The following ABCE1 variants were observed in gnomAD, a reference collection of about 807,000 sequenced individuals.
ABCE1 encodes the protein ATP-binding cassette sub-family E member 1.
A neutral mutation model predicts 83.4 loss-of-function variants in ABCE1; 22 were observed. The ratio of observed to expected loss-of-function variants is 0.26; its 90% CI spans 0.19 to 0.38. ABCE1 has a LOEUF of 0.38. Among genes scored for constraint, ABCE1 ranks in the 10% least tolerant of loss-of-function variants. ABCE1 has a pLI of 1.00. For missense variants in ABCE1, 330 were observed against 721.9 expected, an observed-to-expected ratio of 0.46 and a Z score of 6.22; for synonymous variants, 204 against 233.7, an observed-to-expected ratio of 0.87 and a Z score of 1.16.
chr4:145,109,958 T>G (rs979261832), intron 5 of ABCE1, 145 bp from the exon 6 acceptor site: 1 of 698,838 alleles, frequency 1.4e-6, no homozygotes, highest in African/African-American at 1.9e-5. Context: ...GAAATGAGAC[T>G]TTTATTAATT....
At chr4:145,110,790 G>T in intron 7 of ABCE1, 178 bp from the exon 8 acceptor site, 1 of 569,060 alleles carries the variant, frequency 1.8e-6, no homozygotes. Context: ...AATAGGCCCT[G>T]AACTTAAGTG....
chr4:145,116,630 CTA>C (rs1273963823), intron 9 of ABCE1, among the ~76,000 whole-genome samples: 5 of 151,850 alleles, frequency 3.3e-5, no homozygotes, highest in Non-Finnish European at 5.9e-5. Flanking sequence ...ACCTTCATGA[CTA>C]TTACTTGCGT....
intron 1 of ABCE1, among the ~76,000 whole-genome samples, chr4:145,099,287 G>A (rs757847139): frequency 6.6e-6 from 1 of 152,108 alleles, no homozygotes; most frequent in Non-Finnish European, 1.5e-5. Flanking sequence ...ATCTATAAGA[G>A]GAAGAACTGT....
chr4:145,120,304 T>G (rs1435872834), intron 11 of ABCE1, 151 bp downstream of exon 11: 10 of 662,738 alleles, frequency 1.5e-5, no homozygotes, highest in Non-Finnish European at 2.5e-5. Context: ...ACTTTCACAT[T>G]TTTTTGGCAT....
intron 11 of ABCE1, among the ~76,000 whole-genome samples, chr4:145,120,444 C>A (rs1749713594): frequency 6.6e-6 from 1 of 151,992 alleles, no homozygotes; most frequent in African/African-American, 2.4e-5. Flanking sequence ...AGTTATTAAT[C>A]TTATAAATTG....
Position 145,124,353 on chromosome 4 carries a change from CT to C in ABCE1, c.1641-625del, listed in dbSNP as rs759098353. 3.1e-3 allele frequency among the ~76,000 whole-genome samples: 445 copies of C among 143,292 alleles called. 1 individual carries two copies. Among genetic ancestry groups the C allele is most frequent in the African/African-American group, 6.7e-3 (264 of 39,314 alleles). 94.0% of individuals were successfully genotyped at this position (143,292 alleles called of 152,430 possible). On this transcript the variant is annotated intron_variant, in intron 16 of 17. Transcript: ENST00000296577. ...TTTGCTGGGCTTCTTCCCTGAATTCCTTTTTTTTTTTTATAAATTGAGAATT... is the reference window on the plus strand; with the variant it reads ...TTTGCTGGGCTTCTTCCCTGAATTCCTTTTTTTTTTTATAAATTGAGAATT...
At chr4:145,124,636 A>G (rs1025355155) in intron 16 of ABCE1, among the ~76,000 whole-genome samples, 2 of 152,176 alleles carry the variant, frequency 1.3e-5, no homozygotes, top group African/African-American at 2.4e-5. Context: ...ACTTTTTAAG[A>G]TTCTCATCCC....
At chr4:145,116,009 C>T (rs547129984) in intron 9 of ABCE1, among the ~76,000 whole-genome samples, 1 of 151,972 alleles carries the variant, frequency 6.6e-6, no homozygotes, top group African/African-American at 2.4e-5. Context: ...GGGGAAAGCT[C>T]ATTTGCATAT....
Position 145,121,157 on chromosome 4 carries a change from A to T in ABCE1, c.1145-17A>T. 2 of 1,612,624 alleles carry T rather than the reference A, an allele frequency of 1.2e-6. No individual in the cohort carries two copies. Among genetic ancestry groups the T allele is most frequent in the South Asian group, 1.1e-5 (1 of 91,006 alleles). ...CAAGCATCTTTCAGATCAAACTGTCATATGTTGTGTTGCCAGGAACGGGTA... is the reference window on the plus strand; with the variant it reads ...CAAGCATCTTTCAGATCAAACTGTCTTATGTTGTGTTGCCAGGAACGGGTA... On this transcript the variant is annotated splice_polypyrimidine_tract_variant and intron_variant, in intron 11 of 17. Coordinates refer to ENST00000296577, the MANE Select transcript of ABCE1 (RefSeq NM_002940.3).
intron 10 of ABCE1, among the ~76,000 whole-genome samples, chr4:145,118,009 T>TA (rs969151731): frequency 6.6e-4 from 100 of 151,496 alleles, no homozygotes; most frequent in African/African-American, 2.3e-3. Context: ...AGTGGCTCCT[T>TA]AAAAAAAAGT....
At position 145,111,157 on chromosome 4, in the gene ABCE1, T is replaced by G. The variant is rs1579214150; in HGVS notation, c.710+93T>G. On this transcript the variant is annotated intron_variant, in intron 8 of 17. Transcript: ENST00000296577. ...ATAGAGGAATGGTTTTGAGAGAAAT[T>G]AATAGAAATAGTATCTAAGTTCCTA... The G allele has an allele frequency of 3.6e-5, 29 of 796,010 alleles. No individual in the cohort carries two copies. In the East Asian group the frequency reaches 8.0e-4, roughly 22 times the overall value. 49.3% of individuals were successfully genotyped at this position (796,010 alleles called of 1,614,324 possible). A position where few individuals can be genotyped will look rare whatever the true frequency, so the allele number is the denominator to read the frequency against.
At chr4:145,113,161 A>G (rs1749526842) in intron 9 of ABCE1, among the ~76,000 whole-genome samples, 1 of 152,216 alleles carries the variant, frequency 6.6e-6, no homozygotes, top group African/African-American at 2.4e-5. Context: ...ACATCCACTC[A>G]TGGGCAAGAA....
chr4:145,113,612 A>G (rs1749537424), intron 9 of ABCE1, among the ~76,000 whole-genome samples: 1 of 152,266 alleles, frequency 6.6e-6, no homozygotes, highest in South Asian at 2.1e-4. Flanking sequence ...TAGCCAGCAC[A>G]TATTATATGG....
chr4:145,113,245 G>A (rs867221971), intron 9 of ABCE1, among the ~76,000 whole-genome samples: 12 of 152,260 alleles, frequency 7.9e-5, no homozygotes, highest in East Asian at 3.9e-4. Context: ...CTGAAAGGGC[G>A]AATTAGAAAC....
At chr4:145,106,406 C>T (rs1749306423) in intron 3 of ABCE1, among the ~76,000 whole-genome samples, 1 of 151,986 alleles carries the variant, frequency 6.6e-6, no homozygotes, top group Non-Finnish European at 1.5e-5. Flanking sequence ...AACATTTTCA[C>T]TTGCTTTGAA....
intron 11 of ABCE1, 109 bp from the exon 12 acceptor site, chr4:145,121,065 A>G: frequency 1.0e-6 from 1 of 966,040 alleles, no homozygotes; most frequent in South Asian, 1.5e-5. Flanking sequence ...CAATAATGTC[A>G]GTGTATATCT....
chr4:145,121,723 A>T (rs978962795), intron 13 of ABCE1: 9 of 204,142 alleles, frequency 4.4e-5, no homozygotes, highest in Non-Finnish European at 8.0e-5. Flanking sequence ...ACTACAAAAA[A>T]CTAGCCGAGC....
intron 1 of ABCE1, 175 bp downstream of exon 1, chr4:145,098,594 GA>G (rs1553992140): frequency 6.6e-6 from 1 of 152,296 alleles, no homozygotes; most frequent in Non-Finnish European, 1.5e-5. Context: ...GCGACGCCGA[GA>G]GCTTGGGGGC....
At chr4:145,109,646 A>G (rs927879100) in intron 5 of ABCE1, among the ~76,000 whole-genome samples, 4 of 152,172 alleles carry the variant, frequency 2.6e-5, no homozygotes, top group African/African-American at 9.7e-5. Context: ...TAATGTTCTT[A>G]AGTTAGATAT....
Sources: gnomAD v4.1 joint callset for allele counts (sites outside exome capture counted in the v4.1 genomes callset) on GRCh38, gnomAD v4.1.1 for gene constraint, MANE v1.5 for transcripts, NCBI Gene and HGNC (gene_info 2026-07-23, HGNC 2026-07-21) for gene names.